BBS7: variants seen among roughly 807,000 people sequenced by gnomAD.
BBS7 encodes the protein BBSome complex member BBS7.
BBS7 carries 50 observed loss-of-function variants against 90.3 expected under a neutral mutation model. The observed-to-expected ratio is 0.55, with a 90% confidence interval of 0.44 to 0.70. BBS7 has a LOEUF of 0.70. Ranked by LOEUF, BBS7 falls within the 30% of genes least tolerant of loss-of-function variation. The probability of loss-of-function intolerance (pLI) is 0.00; values close to 1 mark genes in which losing one functional copy is unlikely to be tolerated. For missense variants in BBS7, 729 were observed against 838.9 expected (o/e 0.87, Z 1.62); for synonymous variants, 235 against 287.4 (o/e 0.82, Z 1.85).
At chr4:121,834,681 TG>T (rs1725359976) in intron 14 of BBS7, among the ~76,000 whole-genome samples, 1 of 152,220 alleles carries the variant, frequency 6.6e-6, no homozygotes, top group Non-Finnish European at 1.5e-5. Flanking sequence ...GCTCATGTTC[TG>T]AAAAACTACA....
chr4:121,852,892 C>A, intron 8 of BBS7, 64 bp downstream of exon 8: 1 of 1,501,760 alleles, frequency 6.7e-7, no homozygotes, highest in Non-Finnish European at 9.2e-7. Flanking sequence ...AAAATTCAAA[C>A]CATCTGTCAT....
intron 13 of BBS7, among the ~76,000 whole-genome samples, chr4:121,835,878 G>C (rs746198436): frequency 2.6e-5 from 4 of 151,952 alleles, no homozygotes; most frequent in African/African-American, 4.8e-5. Flanking sequence ...GAAAAATCTG[G>C]AGAAACATGT....
chr4:121,825,884 C>T lies in BBS7; in HGVS notation c.2124G>A (p.Leu708=). ...GTCATGCTGCATCGAAGAATGAAAT[C>T]AATGCATTTTGGTCATAACTGTCCA... ...EILDSYDQNA[L]ISFFDAA The change falls in exon 19 of 19, where the codon TTG becomes TTA. Residue 708 remains leucine, a synonymous_variant. Coordinates refer to ENST00000264499, the MANE Select transcript of BBS7 (RefSeq NM_176824.3). The T allele has an allele frequency of 1.9e-6, 3 of 1,613,158 alleles. No homozygotes were observed. Among genetic ancestry groups the T allele is most frequent in the Non-Finnish European group, 2.5e-6 (3 of 1,179,614 alleles).
At chr4:121,865,907 C>T (rs1034337396) in intron 2 of BBS7, among the ~76,000 whole-genome samples, 1 of 152,138 alleles carries the variant, frequency 6.6e-6, no homozygotes. Context: ...TTTTTGATAA[C>T]AGCCATTCTA....
At position 121,825,152 on chromosome 4, in the gene BBS7, T is replaced by C. The variant is rs1402531829; in HGVS notation, c.*708A>G. On this transcript the variant is annotated 3_prime_UTR_variant, in exon 19 of 19. Coordinates refer to ENST00000264499, the MANE Select transcript of BBS7 (RefSeq NM_176824.3). The stretch of plus-strand genomic sequence containing the variant: ...AGATCCCCCGACTCTGTGTAAGCTC[T>C]TCTTATTTCCTGGCTACAATTTATA... 1 of 152,282 alleles carries C rather than the reference T, an allele frequency of 6.6e-6. No homozygotes were observed. The highest frequency in any genetic ancestry group is 6.5e-5 in the Admixed American group (1 of 15,280). 9.4% of individuals were successfully genotyped at this position (152,282 alleles called of 1,614,324 possible).
chr4:121,865,404 A>G (rs1187663069), intron 2 of BBS7, among the ~76,000 whole-genome samples: 1 of 151,950 alleles, frequency 6.6e-6, no homozygotes, highest in African/African-American at 2.4e-5. Context: ...GTGCCTGGCT[A>G]ATTTTTGTAT....
chr4:121,870,469 G>A lies in BBS7; in HGVS notation c.-156C>T. The A allele has an allele frequency of 3.9e-6, 3 of 775,972 alleles. No individual in the cohort carries two copies. Among genetic ancestry groups the A allele is most frequent in the East Asian group, 5.3e-5 (2 of 37,452 alleles). The allele number at this position is 775,972 out of a possible 1,614,324, so 48.1% of individuals were successfully genotyped here. On this transcript the variant is annotated 5_prime_UTR_variant, in exon 1 of 19. Coordinates refer to ENST00000264499, the MANE Select transcript of BBS7 (RefSeq NM_176824.3). ...AGGTCCTGGGCTGCACAGGCGGGGC[G>A]ACAGGGCAGTGGCGTCCTGCGTGAC... is the stretch of plus-strand genomic sequence containing the variant.
chr4:121,843,500 A>G (rs1725847457), intron 12 of BBS7, among the ~76,000 whole-genome samples: 1 of 152,244 alleles, frequency 6.6e-6, no homozygotes, highest in Non-Finnish European at 1.5e-5. Flanking sequence ...TAGGCTGAAC[A>G]TTCCCAAACT....
At chr4:121,844,084 C>T (rs1254471603) in intron 11 of BBS7, 83 bp from the exon 12 acceptor site, 3 of 849,862 alleles carry the variant, frequency 3.5e-6, no homozygotes, top group Non-Finnish European at 5.7e-6. Flanking sequence ...AAGAGTTCTC[C>T]TTAGTTCTAG....
chr4:121,829,152 A>T (rs1171752545), intron 15 of BBS7, among the ~76,000 whole-genome samples: 1 of 152,128 alleles, frequency 6.6e-6, no homozygotes, highest in African/African-American at 2.4e-5. Context: ...AAGAAATCTG[A>T]TATCAAATAT....
intron 13 of BBS7, among the ~76,000 whole-genome samples, chr4:121,838,903 CA>C (rs35360596): frequency 0.39 from 40,322 of 103,530 alleles, 6,639 homozygotes; most frequent in East Asian, 0.52. Flanking sequence ...GACTCCATCT[CA>C]AAAAAAAAAA....
chr4:121,845,739 C>T, intron 10 of BBS7, 43 bp from the exon 11 acceptor site: 1 of 1,525,910 alleles, frequency 6.6e-7, no homozygotes, highest in Non-Finnish European at 9.1e-7. Flanking sequence ...TAAGTATAAA[C>T]ATTTGAGGTC....
intron 18 of BBS7, 58 bp from the exon 19 acceptor site, chr4:121,826,051 A>AT (rs1165646331): frequency 1.4e-6 from 2 of 1,391,008 alleles, no homozygotes; most frequent in Admixed American, 3.6e-5. Flanking sequence ...ATGACACAGT[A>AT]TTTCACTAAA....
intron 17 of BBS7, 28 bp from the exon 18 acceptor site, chr4:121,828,297 T>A: frequency 6.2e-7 from 1 of 1,604,208 alleles, no homozygotes; most frequent in South Asian, 1.1e-5. Context: ...CAGAAGCACC[T>A]TAATATTCAA....
chr4:121,869,976 GA>G (rs2149096298), intron 1 of BBS7, among the ~76,000 whole-genome samples: 1 of 152,320 alleles, frequency 6.6e-6, no homozygotes, highest in South Asian at 2.1e-4. Context: ...CACGGCTAGG[GA>G]GGAGGAGAAG....
chr4:121,854,607 C>T, intron 7 of BBS7, 97 bp downstream of exon 7: 1 of 1,199,632 alleles, frequency 8.3e-7, no homozygotes, highest in South Asian at 1.7e-5. Context: ...GCTAAGTCTG[C>T]TATGTAGTAT....
intron 13 of BBS7, among the ~76,000 whole-genome samples, chr4:121,837,126 A>AT (rs1444656907): frequency 8.6e-5 from 13 of 151,672 alleles, no homozygotes; most frequent in Non-Finnish European, 1.5e-4. Flanking sequence ...TGCCCAGCTA[A>AT]TTTTTTTTAT....
At chr4:121,857,470 G>C (rs117626872) in intron 5 of BBS7, among the ~76,000 whole-genome samples, 1 of 152,068 alleles carries the variant, frequency 6.6e-6, no homozygotes, top group South Asian at 2.1e-4. Context: ...ATATCTACAC[G>C]TAACTATATA....
chr4:121,864,524 T>G (rs761737266), intron 2 of BBS7, among the ~76,000 whole-genome samples: 1 of 152,218 alleles, frequency 6.6e-6, no homozygotes, highest in Non-Finnish European at 1.5e-5. Context: ...CATAAAGACA[T>G]GTTATGTAAA....
Sources: allele counts gnomAD v4.1 joint callset (sites outside exome capture counted in the v4.1 genomes callset), GRCh38; gene constraint gnomAD v4.1.1; transcripts MANE v1.5; gene names NCBI Gene and HGNC (gene_info 2026-07-23, HGNC 2026-07-21).